PFKFB3: variants seen among roughly 807,000 people sequenced by gnomAD.
PFKFB3 encodes 6-phosphofructo-2-kinase/fructose-2,6-bisphosphatase 3.
A neutral mutation model predicts 68.0 loss-of-function variants in PFKFB3; 33 were observed. The observed-to-expected ratio is 0.49, with a 90% CI of 0.37 to 0.65. The LOEUF is 0.65. PFKFB3 is among the 30% of genes least tolerant of loss of function. The pLI is 0.00. For missense variants in PFKFB3, 586 were observed against 712.2 expected, an observed-to-expected ratio of 0.82 and a Z score of 2.02; for synonymous variants, 315 against 288.2, an observed-to-expected ratio of 1.09 and a Z score of -0.94.
At chr10:6,257,852 C>T (rs774656609), downstream of PFKFB3, among the ~76,000 whole-genome samples, 2 of 152,110 alleles carry the variant, frequency 1.3e-5, no homozygotes, top group Non-Finnish European at 2.9e-5. Flanking sequence ...GATCCCCATG[C>T]GGGACTCTGG....
chr10:6,276,108 T>G, the PFKFB3 span, among the ~76,000 whole-genome samples: 3 of 152,156 alleles, frequency 2.0e-5, no homozygotes, highest in African/African-American at 4.8e-5. Context: ...GAACCAAAAC[T>G]TCTACTGACC....
the PFKFB3 span, among the ~76,000 whole-genome samples, chr10:6,282,506 GA>G: frequency 6.6e-6 from 1 of 152,190 alleles, no homozygotes; most frequent in Non-Finnish European, 1.5e-5. Flanking sequence ...GAGCAGCTGT[GA>G]CCGTAGCAGC....
At chr10:6,203,870 C>A (rs1352227539) in intron 1 of PFKFB3, among the ~76,000 whole-genome samples, 1 of 152,202 alleles carries the variant, frequency 6.6e-6, no homozygotes, top group African/African-American at 2.4e-5. Context: ...TTTCTACCTC[C>A]TTCCTCTCCC....
At chr10:6,217,575 G>T (rs1844673469) in intron 6 of PFKFB3, among the ~76,000 whole-genome samples, 1 of 152,190 alleles carries the variant, frequency 6.6e-6, no homozygotes, top group Admixed American at 6.5e-5. Flanking sequence ...GCTCCAGGAG[G>T]TAAGAATGCT....
the PFKFB3 span, among the ~76,000 whole-genome samples, chr10:6,319,789 TG>T: frequency 6.6e-6 from 1 of 152,272 alleles, no homozygotes; most frequent in East Asian, 1.9e-4. Flanking sequence ...TCTTTCTTCC[TG>T]ATACATTCTA....
chr10:6,187,391 T>A (rs776849485), intron 1 of PFKFB3, among the ~76,000 whole-genome samples: 1 of 152,004 alleles, frequency 6.6e-6, no homozygotes, highest in African/African-American at 2.4e-5. Flanking sequence ...AAGGGCCTTT[T>A]TGTCCTATCT....
chr10:6,193,575 G>A (rs939826506), intron 1 of PFKFB3, among the ~76,000 whole-genome samples: 10 of 152,194 alleles, frequency 6.6e-5, no homozygotes, highest in South Asian at 2.1e-4. Flanking sequence ...TCAGGTGTCC[G>A]TGTGGAGAGA....
chr10:6,248,652 A>AAAGG (rs71390202), intron 14 of PFKFB3, among the ~76,000 whole-genome samples: 1 of 91,532 alleles, frequency 1.1e-5, no homozygotes, highest in African/African-American at 4.1e-5. Context: ...AAAAAAAAAA[A>AAAGG]GGCAGGGGAT....
intron 1 of PFKFB3, among the ~76,000 whole-genome samples, chr10:6,184,844 G>C (rs1437705875): frequency 6.9e-6 from 1 of 145,782 alleles, no homozygotes; most frequent in African/African-American, 2.5e-5. Context: ...CTGGGCTCAA[G>C]TGATCCTCCC....
chr10:6,170,720 C>T (rs1842283811), intron 1 of PFKFB3, among the ~76,000 whole-genome samples: 2 of 151,662 alleles, frequency 1.3e-5, no homozygotes, highest in Non-Finnish European at 2.9e-5. Flanking sequence ...GAGGTGGAGA[C>T]AATGTATGGA....
the PFKFB3 span, among the ~76,000 whole-genome samples, chr10:6,308,559 A>G: frequency 3.9e-3 from 587 of 152,308 alleles, 2 homozygotes; most frequent in Non-Finnish European, 6.3e-3. Context: ...GCTTGAATGT[A>G]CCTCATTATA....
chr10:6,225,607 G>A (rs896464579), intron 13 of PFKFB3, among the ~76,000 whole-genome samples: 4 of 152,240 alleles, frequency 2.6e-5, no homozygotes, highest in African/African-American at 9.6e-5. Context: ...TCTCATGGGA[G>A]GGCTGTGTCT....
chr10:6,291,034 C>T, the PFKFB3 span, among the ~76,000 whole-genome samples: 1 of 151,670 alleles, frequency 6.6e-6, no homozygotes, highest in Non-Finnish European at 1.5e-5. Flanking sequence ...TTGTTTTTAA[C>T]TTTATGTGTA....
Position 6,235,264 on chromosome 10 carries a change from T to G in PFKFB3, c.*2322T>G, listed in dbSNP as rs1202173245. 1 of 152,730 alleles carries G rather than the reference T, an allele frequency of 6.5e-6. No homozygotes were observed. Among genetic ancestry groups the G allele is most frequent in the Non-Finnish European group, 1.5e-5 (1 of 68,036 alleles). The allele number at this position is 152,730 out of a possible 1,614,324, so 9.5% of individuals were successfully genotyped here. A position where few individuals can be genotyped will look rare whatever the true frequency, so the allele number is the denominator to read the frequency against. ...TTTTCTTTGTAATACTTGAAATTTA[T>G]TTTTTTATTATTTTGATAGCAGATG... is the stretch of plus-strand genomic sequence containing the variant. On this transcript the variant is annotated 3_prime_UTR_variant, in exon 15 of 15. Transcript: ENST00000379775.
chr10:6,217,804 T>C (rs1444481380), intron 6 of PFKFB3, among the ~76,000 whole-genome samples: 5 of 152,306 alleles, frequency 3.3e-5, no homozygotes, highest in African/African-American at 1.2e-4. Context: ...GAATGGTTAC[T>C]ATGGAGACTT....
chr10:6,305,733 CT>C, the PFKFB3 span, among the ~76,000 whole-genome samples: 1 of 152,174 alleles, frequency 6.6e-6, no homozygotes, highest in Admixed American at 6.5e-5. Context: ...ATCTGTGGGA[CT>C]TCTTTAAGGC....
chr10:6,177,358 TTC>T (rs1491331047), intron 1 of PFKFB3, among the ~76,000 whole-genome samples: 3 of 73,100 alleles, frequency 4.1e-5, no homozygotes, highest in East Asian at 7.6e-4. Context: ...TCTTTTCTCT[TTC>T]TTTCTTTCTT....
At chr10:6,169,619 G>C (rs907016773) in intron 1 of PFKFB3, among the ~76,000 whole-genome samples, 2 of 152,152 alleles carry the variant, frequency 1.3e-5, no homozygotes, top group African/African-American at 4.8e-5. Flanking sequence ...CTGAGGAACA[G>C]GAAGAGTGCG....
At position 6,158,869 on chromosome 10, in the gene PFKFB3, C is replaced by CAAA. The variant is rs201959006; in HGVS notation, c.16+13867_16+13869dup. Among the ~76,000 whole-genome samples, 7 of 135,122 alleles carry CAAA rather than the reference C, an allele frequency of 5.2e-5. No homozygotes were observed. The East Asian group carries it at 1.5e-3, about 28-fold the overall frequency. The allele number at this position is 135,122 out of a possible 152,430, so 88.6% of individuals were successfully genotyped here. ...TGGGTGACAAAGCAAGACTCCATCT[C>CAAA]AAAAAAAAAAAAAGAAATTCACCTA... On this transcript the variant is annotated intron_variant, in intron 1 of 14. Coordinates refer to the PFKFB3 transcript ENST00000379789.
Sources: allele counts gnomAD v4.1 joint callset (sites outside exome capture counted in the v4.1 genomes callset), GRCh38; gene constraint gnomAD v4.1.1; transcripts MANE v1.5; gene names NCBI Gene and HGNC (gene_info 2026-07-23, HGNC 2026-07-21).